The following BRINP2 variants were observed in gnomAD, a reference collection of about 807,000 sequenced individuals.
BRINP2 encodes BMP/retinoic acid inducible neural specific 2, also known as BMP/retinoic acid-inducible neural-specific protein 2.
BRINP2 carries 21 observed loss-of-function variants against 69.2 expected under a neutral mutation model. That is an observed-to-expected ratio of 0.30 (90% CI 0.22 to 0.44). The LOEUF (loss-of-function observed/expected upper bound fraction) is 0.44. BRINP2 is among the 20% of genes least tolerant of loss of function. BRINP2 has a pLI of 1.00. For missense variants in BRINP2, 877 were observed against 986.0 expected (o/e 0.89, Z 1.48); for synonymous variants, 380 against 394.1 (o/e 0.96, Z 0.42).
At chr1:177,194,869 C>G (rs894245299) in intron 1 of BRINP2, among the ~76,000 whole-genome samples, 5 of 152,132 alleles carry the variant, frequency 3.3e-5, no homozygotes, top group African/African-American at 1.2e-4. Flanking sequence ...TCTGTACTTT[C>G]TCCAGTGGTA....
chr1:177,240,811 C>T (rs1054331765), intron 2 of BRINP2, among the ~76,000 whole-genome samples: 8 of 152,214 alleles, frequency 5.3e-5, no homozygotes, highest in South Asian at 2.1e-4. Flanking sequence ...CAATGTGGGA[C>T]GGCCAATCAG....
chr1:177,235,515 G>A (rs920355174), intron 2 of BRINP2, among the ~76,000 whole-genome samples: 8 of 152,222 alleles, frequency 5.3e-5, no homozygotes, highest in Admixed American at 2.0e-4. Flanking sequence ...GGAGGGCCTA[G>A]AAGCAGCCTG....
intron 2 of BRINP2, among the ~76,000 whole-genome samples, chr1:177,253,498 C>T (rs1434383133): frequency 2.0e-5 from 3 of 152,096 alleles, no homozygotes; most frequent in Admixed American, 6.5e-5. Context: ...GTTGTCTCCT[C>T]GCTCTGTTGT....
chr1:177,259,007 A>C (rs1346724998), intron 4 of BRINP2, among the ~76,000 whole-genome samples: 1 of 152,218 alleles, frequency 6.6e-6, no homozygotes, highest in Non-Finnish European at 1.5e-5. Flanking sequence ...CAAAAGCTAG[A>C]AATAAATGAT....
chr1:177,267,852 T>A (rs1651176712), intron 4 of BRINP2, among the ~76,000 whole-genome samples: 1 of 152,044 alleles, frequency 6.6e-6, no homozygotes, highest in Admixed American at 6.6e-5. Context: ...TCAAAAGAGG[T>A]CACCATCCTT....
At chr1:177,251,743 TCTGA>T (rs1391429675) in intron 2 of BRINP2, among the ~76,000 whole-genome samples, 6 of 152,160 alleles carry the variant, frequency 3.9e-5, no homozygotes, top group Non-Finnish European at 8.8e-5. Flanking sequence ...AGACCCAGTG[TCTGA>T]CTGGGCCAGA....
At chr1:177,215,117 A>G (rs1009166729) in intron 1 of BRINP2, among the ~76,000 whole-genome samples, 4 of 152,140 alleles carry the variant, frequency 2.6e-5, no homozygotes, top group Admixed American at 1.3e-4. Flanking sequence ...TATGAGTTCA[A>G]TTGTTTTAGA....
At chr1:177,234,382 C>T (rs1649952580) in intron 2 of BRINP2, among the ~76,000 whole-genome samples, 1 of 152,212 alleles carries the variant, frequency 6.6e-6, no homozygotes, top group African/African-American at 2.4e-5. Flanking sequence ...TTCATCATAA[C>T]ACGCACCTAC....
intron 1 of BRINP2, among the ~76,000 whole-genome samples, chr1:177,200,687 G>T (rs74127709): frequency 6.6e-6 from 1 of 151,900 alleles, no homozygotes; most frequent in African/African-American, 2.4e-5. Flanking sequence ...AGCACACCCC[G>T]TCTCTCCTTG....
At chr1:177,218,898 C>T (rs36045327) in intron 1 of BRINP2, among the ~76,000 whole-genome samples, 2 of 152,160 alleles carry the variant, frequency 1.3e-5, no homozygotes, top group South Asian at 2.1e-4. Flanking sequence ...AGCCTGGGAC[C>T]CCTTCTTCCA....
intron 1 of BRINP2, among the ~76,000 whole-genome samples, chr1:177,192,122 A>G (rs1648613002): frequency 6.6e-6 from 1 of 152,238 alleles, no homozygotes; most frequent in South Asian, 2.1e-4. Flanking sequence ...TGGAGCGATT[A>G]TTCCAATAAT....
intron 1 of BRINP2, among the ~76,000 whole-genome samples, chr1:177,204,746 A>C (rs534812407): frequency 1.1e-4 from 16 of 152,322 alleles, no homozygotes; most frequent in African/African-American, 3.8e-4. Context: ...AGATTAGCCA[A>C]AATGAAGCAA....
intron 1 of BRINP2, among the ~76,000 whole-genome samples, chr1:177,173,009 T>G (rs1177429334): frequency 2.0e-5 from 3 of 152,172 alleles, no homozygotes; most frequent in African/African-American, 7.2e-5. Context: ...ATGCCAGTAT[T>G]AACCAAGCAA....
chr1:177,210,164 T>G (rs1389943002), intron 1 of BRINP2, among the ~76,000 whole-genome samples: 1 of 152,222 alleles, frequency 6.6e-6, no homozygotes, highest in Non-Finnish European at 1.5e-5. Context: ...GCTTCTGGTC[T>G]CTAAAAATAA....
chr1:177,267,463 ATCTT>A (rs1651164893), intron 4 of BRINP2, among the ~76,000 whole-genome samples: 1 of 152,162 alleles, frequency 6.6e-6, no homozygotes, highest in Non-Finnish European at 1.5e-5. Flanking sequence ...GCTGAATATT[ATCTT>A]TCTATTTTAT....
At chr1:177,174,977 G>T (rs72720753) in intron 1 of BRINP2, among the ~76,000 whole-genome samples, 4,176 of 152,252 alleles carry the variant, frequency 0.027, 65 homozygotes, top group African/African-American at 0.047. Flanking sequence ...TCTGAATGAG[G>T]ATATTGGGGG....
Position 177,257,395 on chromosome 1 carries a change from G to A in BRINP2, c.669+11G>A, listed in dbSNP as rs778639756. 1 of 1,598,690 alleles carries A rather than the reference G, an allele frequency of 6.3e-7. No individual in the cohort carries two copies. ...ACGGGGGCCATCAAGGTAATGACCTGAGAGGTACAGGGAAGGGGATGGGGG... is the reference window on the plus strand; with the variant it reads ...ACGGGGGCCATCAAGGTAATGACCTAAGAGGTACAGGGAAGGGGATGGGGG... On this transcript the variant is annotated intron_variant, in intron 4 of 7. Coordinates refer to ENST00000361539, the MANE Select transcript of BRINP2 (RefSeq NM_021165.4).
At chr1:177,204,751 A>C (rs1389386312) in intron 1 of BRINP2, among the ~76,000 whole-genome samples, 12 of 152,236 alleles carry the variant, frequency 7.9e-5, no homozygotes, top group Admixed American at 7.9e-4. Flanking sequence ...AGCCAAAATG[A>C]AGCAAATTTT....
rs946224963 is a variant in BRINP2 at position 177,281,065 on chromosome 1, C to A, written c.1889C>A (p.Thr630Asn). The change falls in exon 8 of 8, where the codon ACC becomes AAC. Residue 630 changes from threonine (T) to asparagine (N), a missense_variant. Around this residue, in one of 3 missense-constraint regions of BRINP2, gnomAD observed 225 missense variants for 218.7 expected, o/e 1.03. Coordinates refer to ENST00000361539, the MANE Select transcript of BRINP2 (RefSeq NM_021165.4). ...GCCCAGTGCCAAAACTGGACTATCA[C>A]CTTGGGGAATAGGTGGAAGACTTTC... ...AAAQCQNWTI[T>N]LGNRWKTFFE... is the part of the protein sequence containing the mutation. The A allele has an allele frequency of 2.5e-6, 4 of 1,614,178 alleles. No homozygotes were observed. The highest frequency in any genetic ancestry group is 3.4e-6 in the Non-Finnish European group (4 of 1,180,040).
Sources: gnomAD v4.1 joint callset for allele counts (sites outside exome capture counted in the v4.1 genomes callset) on GRCh38, gnomAD v4.1.1 for gene constraint, gnomAD v4.1.1 regional missense constraint, MANE v1.5 for transcripts, NCBI Gene and HGNC (gene_info 2026-07-23, HGNC 2026-07-21) for gene names.